The following NDUFAF6 variants were observed in gnomAD, a reference collection of about 807,000 sequenced individuals.
NDUFAF6 encodes NADH:ubiquinone oxidoreductase complex assembly factor 6, also known as NADH dehydrogenase (ubiquinone) complex I, assembly factor 6.
Under a neutral mutation model 40.8 loss-of-function variants are expected in NDUFAF6, and 45 were observed. The ratio of observed to expected loss-of-function variants is 1.10; its 90% CI spans 0.87 to 1.42. NDUFAF6 has a LOEUF of 1.42. Ranked by LOEUF, NDUFAF6 falls within the 40% of genes most tolerant of loss-of-function variation. NDUFAF6 has a pLI of 0.00. For synonymous variants in NDUFAF6, 185 were observed against 155.9 expected (o/e 1.19, Z -1.39); for missense variants, 435 against 418.5 (o/e 1.04, Z -0.34).
At chr8:95,088,013 T>C (rs190282199) in intron 2 of NDUFAF6, 76 of 152,462 alleles carry the variant, frequency 5.0e-4, no homozygotes, top group African/African-American at 1.7e-3. Flanking sequence ...CATAAACTCT[T>C]CTTGGCAGCA....
At chr8:94,939,749 T>A in intron 1 of NDUFAF6, 1 of 1,449,268 alleles carries the variant, frequency 6.9e-7, no homozygotes, top group Non-Finnish European at 9.4e-7. Flanking sequence ...CTTTCATAAA[T>A]CTCTAACAAA....
At chr8:94,996,226 C>T (rs1563778108) in intron 2 of NDUFAF6, among the ~76,000 whole-genome samples, 1 of 152,182 alleles carries the variant, frequency 6.6e-6, no homozygotes, top group Non-Finnish European at 1.5e-5. Flanking sequence ...CAACAACCAG[C>T]TTAGTACAAT....
At chr8:95,074,004 G>C (rs1202023587) in intron 9 of NDUFAF6, among the ~76,000 whole-genome samples, 1 of 152,146 alleles carries the variant, frequency 6.6e-6, no homozygotes, top group Non-Finnish European at 1.5e-5. Context: ...TTAAAGGATA[G>C]AGTCCTTATT....
In NDUFAF6 at chr8:94,939,856, G is replaced by A. The variant is rs780425599; in HGVS notation, c.-935-5627G>A. ...CTACAGAGAGTTAAATACTTGTAAC[G>A]TACCTGGGACTACTTGGGCTATGTA... On this transcript the variant is annotated intron_variant, in intron 1 of 14. Transcript: ENST00000396113. 1.6e-5 allele frequency: 25 copies of A among 1,608,128 alleles called. No individual in the cohort carries two copies. The African/African-American group carries it at 2.0e-4, about 13-fold the overall frequency.
intron 2 of NDUFAF6, among the ~76,000 whole-genome samples, chr8:95,084,748 C>G (rs1461405334): frequency 1.3e-5 from 2 of 152,170 alleles, no homozygotes; most frequent in African/African-American, 2.4e-5. Context: ...ATGTGTCCTA[C>G]CTAGACAGGG....
chr8:95,084,332 A>G (rs1233831295), intron 2 of NDUFAF6, among the ~76,000 whole-genome samples: 2 of 152,174 alleles, frequency 1.3e-5, no homozygotes, highest in Non-Finnish European at 2.9e-5. Context: ...TCTCTAAAAG[A>G]TAAAGACTTT....
At position 95,102,463 on chromosome 8, in the gene NDUFAF6, C is replaced by G. The variant is rs77555932; in HGVS notation, n.231-513C>G. Among the ~76,000 whole-genome samples, 995 of 152,326 alleles carry G rather than the reference C, an allele frequency of 6.5e-3. 9 individuals are homozygous for G. Among genetic ancestry groups the G allele is most frequent in the African/African-American group, 0.023 (947 of 41,570 alleles). ...GAAGAATCTGCTACTGCTGGCCCCC[C>G]ACTCCTGACCCCCTGGGTTGAGACC... On this transcript the variant is annotated intron_variant and non_coding_transcript_variant, in intron 2 of 2. Transcript: ENST00000521063.
At chr8:95,016,835 G>A (rs1827470423) in intron 2 of NDUFAF6, among the ~76,000 whole-genome samples, 1 of 152,038 alleles carries the variant, frequency 6.6e-6, no homozygotes. Flanking sequence ...AATAATTTGG[G>A]GTGCTTTATA....
chr8:95,101,178 A>G (rs1393752964), exon 2 of NDUFAF6: 1 of 152,160 alleles, frequency 6.6e-6, no homozygotes, highest in Non-Finnish European at 1.5e-5. Context: ...GACTTAGTCC[A>G]TTTTCTTTTC....
intron 2 of NDUFAF6, chr8:95,102,919 G>A (rs1809698048): frequency 6.6e-6 from 1 of 152,212 alleles, no homozygotes; most frequent in Non-Finnish European, 1.5e-5. Context: ...ATATGGAGCT[G>A]AGAGGCAATA....
chr8:95,085,335 C>A (rs1005842594), intron 2 of NDUFAF6, among the ~76,000 whole-genome samples: 2 of 152,190 alleles, frequency 1.3e-5, no homozygotes, highest in Non-Finnish European at 2.9e-5. Context: ...TCCTCCCATG[C>A]CTCTTCATTC....
intron 1 of NDUFAF6, among the ~76,000 whole-genome samples, chr8:94,909,293 G>A (rs1818581864): frequency 6.8e-6 from 1 of 147,672 alleles, no homozygotes; most frequent in African/African-American, 2.6e-5. Flanking sequence ...AGATTGCAGT[G>A]AGCTGAGATT....
intron 4 of NDUFAF6, among the ~76,000 whole-genome samples, chr8:95,043,242 A>G (rs1413684839): frequency 6.7e-6 from 1 of 149,308 alleles, no homozygotes; most frequent in African/African-American, 2.5e-5. Flanking sequence ...GCGCCACCAC[A>G]CTCGGCTAAT....
At chr8:94,972,238 C>T (rs142656942) in intron 1 of NDUFAF6, among the ~76,000 whole-genome samples, 4 of 152,106 alleles carry the variant, frequency 2.6e-5, no homozygotes, top group African/African-American at 9.6e-5. Context: ...ATAGATACAA[C>T]ATGATTTTTT....
intron 1 of NDUFAF6, among the ~76,000 whole-genome samples, chr8:95,031,523 G>A (rs1828838047): frequency 6.6e-6 from 1 of 152,158 alleles, no homozygotes; most frequent in Admixed American, 6.5e-5. Flanking sequence ...GGTGGCATTG[G>A]GGTACATTTT....
chr8:94,970,253 C>CAAAAAAAA (rs891358442), intron 1 of NDUFAF6, among the ~76,000 whole-genome samples: 1 of 62,904 alleles, frequency 1.6e-5, no homozygotes. Flanking sequence ...GACTCCGTCT[C>CAAAAAAAA]AAAAAAAAAA....
At chr8:94,968,640 G>C (rs1345184682) in intron 1 of NDUFAF6, among the ~76,000 whole-genome samples, 1 of 152,198 alleles carries the variant, frequency 6.6e-6, no homozygotes, top group Non-Finnish European at 1.5e-5. Context: ...AAGAGACTTA[G>C]AGAAGATGGT....
chr8:94,942,063 TTGTC>T (rs1242247863), intron 1 of NDUFAF6, among the ~76,000 whole-genome samples: 3 of 151,772 alleles, frequency 2.0e-5, no homozygotes. Flanking sequence ...GACGGAGTCT[TTGTC>T]TGTTGCCCAG....
At chr8:95,066,203 C>A in intron 9 of NDUFAF6, among the ~76,000 whole-genome samples, 1 of 151,938 alleles carries the variant, frequency 6.6e-6, no homozygotes, top group East Asian at 1.9e-4. Context: ...CCTTGAACTC[C>A]TGAGCTCAAA....
Sources: gnomAD v4.1 joint callset for allele counts (sites outside exome capture counted in the v4.1 genomes callset) on GRCh38, gnomAD v4.1.1 for gene constraint, MANE v1.5 for transcripts, NCBI Gene and HGNC (gene_info 2026-07-23, HGNC 2026-07-21) for gene names.